CDH13: variants seen among roughly 807,000 people sequenced by gnomAD.
The protein encoded by CDH13 is cadherin-13.
CDH13 carries 24 observed loss-of-function variants against 63.8 expected under a neutral mutation model. The observed-to-expected ratio is 0.38, with a 90% CI of 0.27 to 0.53. The LOEUF (loss-of-function observed/expected upper bound fraction) is 0.53, where lower values mean the gene tolerates loss of function less well. Ranked by LOEUF, CDH13 falls within the 20% of genes least tolerant of loss-of-function variation. The pLI is 0.85. For missense variants in CDH13, 1,049 were observed against 903.1 expected, an observed-to-expected ratio of 1.16 and a Z score of -2.07; for synonymous variants, 503 against 355.3, an observed-to-expected ratio of 1.42 and a Z score of -4.67.
chr16:83,516,218 AT>A (rs2074696006), intron 7 of CDH13, among the ~76,000 whole-genome samples: 1 of 152,214 alleles, frequency 6.6e-6, no homozygotes, highest in Admixed American at 6.5e-5. Flanking sequence ...AGTTTTCTTT[AT>A]AGTGCCAAAG....
At chr16:83,136,473 G>A (rs542145129) in intron 4 of CDH13, among the ~76,000 whole-genome samples, 28 of 148,242 alleles carry the variant, frequency 1.9e-4, no homozygotes, top group Admixed American at 1.3e-3. Context: ...GCGACAGAGC[G>A]GGACTCTGTC....
chr16:83,055,714 T>C (rs1397163446), intron 3 of CDH13, among the ~76,000 whole-genome samples: 7 of 151,918 alleles, frequency 4.6e-5, no homozygotes, highest in African/African-American at 1.2e-4. Flanking sequence ...TTCTGTAAAA[T>C]AGAAAAAAAA....
At chr16:83,150,365 C>G (rs1395469651) in intron 4 of CDH13, among the ~76,000 whole-genome samples, 1 of 152,186 alleles carries the variant, frequency 6.6e-6, no homozygotes, top group Non-Finnish European at 1.5e-5. Context: ...CTCCCTATCC[C>G]TACCCACTTT....
intron 1 of CDH13, among the ~76,000 whole-genome samples, chr16:82,818,302 T>C (rs1429428849): frequency 6.6e-6 from 1 of 152,174 alleles, no homozygotes; most frequent in Non-Finnish European, 1.5e-5. Context: ...GCTAGTAAGT[T>C]GTGAAGCTGA....
At chr16:83,312,188 G>T (rs992795903) in intron 5 of CDH13, among the ~76,000 whole-genome samples, 2 of 151,398 alleles carry the variant, frequency 1.3e-5, no homozygotes, top group African/African-American at 2.4e-5. Flanking sequence ...TTCTCTCCCT[G>T]GTCTGCCCAG....
At chr16:83,511,107 C>T (rs1453713870) in intron 7 of CDH13, among the ~76,000 whole-genome samples, 3 of 106,408 alleles carry the variant, frequency 2.8e-5, no homozygotes, top group Admixed American at 1.8e-4. Flanking sequence ...CACACATGCA[C>T]GCATGCACAC....
intron 2 of CDH13, chr16:82,884,609 G>C (rs1004884787): frequency 1.9e-5 from 3 of 156,716 alleles, no homozygotes; most frequent in African/African-American, 7.2e-5. Context: ...TAGAACATTT[G>C]CTCAGAAATG....
intron 7 of CDH13, among the ~76,000 whole-genome samples, chr16:83,522,889 A>T (rs1005622229): frequency 6.6e-6 from 1 of 152,332 alleles, no homozygotes; most frequent in East Asian, 1.9e-4. Context: ...CTCACCACCT[A>T]GTGGCTCTTC....
chr16:82,866,634 G>A (rs192039154), intron 2 of CDH13, among the ~76,000 whole-genome samples: 1 of 152,060 alleles, frequency 6.6e-6, no homozygotes, highest in East Asian at 1.9e-4. Context: ...TCATACTGCT[G>A]TAAAGAACTG....
intron 5 of CDH13, among the ~76,000 whole-genome samples, chr16:83,234,459 C>T (rs553753731): frequency 4.6e-5 from 7 of 152,250 alleles, no homozygotes; most frequent in African/African-American, 1.4e-4. Flanking sequence ...TAATTGATAA[C>T]GCAGGGTCAG....
chr16:83,676,537 G>A (rs2093093556), intron 9 of CDH13, among the ~76,000 whole-genome samples: 1 of 152,204 alleles, frequency 6.6e-6, no homozygotes, highest in South Asian at 2.1e-4. Flanking sequence ...ACTTGGGATG[G>A]ACAGAGATCC....
At chr16:82,747,923 T>A (rs1450958959) in intron 1 of CDH13, among the ~76,000 whole-genome samples, 1 of 152,136 alleles carries the variant, frequency 6.6e-6, no homozygotes, top group Non-Finnish European at 1.5e-5. Context: ...GGCAACCTTC[T>A]TTTTTAAAAA....
intron 13 of CDH13, among the ~76,000 whole-genome samples, chr16:83,791,655 A>T (rs1275667120): frequency 6.6e-6 from 1 of 151,856 alleles, no homozygotes; most frequent in Non-Finnish European, 1.5e-5. Flanking sequence ...TACTAAAAAT[A>T]CAAAAATTAG....
At chr16:83,293,619 T>C (rs142806308) in intron 5 of CDH13, among the ~76,000 whole-genome samples, 163 of 152,296 alleles carry the variant, frequency 1.1e-3, no homozygotes, top group African/African-American at 3.7e-3. Context: ...ATAACAGATA[T>C]ATACATAAAC....
intron 2 of CDH13, among the ~76,000 whole-genome samples, chr16:82,961,259 C>G (rs948104255): frequency 1.3e-5 from 2 of 152,192 alleles, no homozygotes; most frequent in Non-Finnish European, 2.9e-5. Flanking sequence ...AGGCCTAAAA[C>G]CCCGGCCTTT....
At chr16:83,544,973 T>A (rs1438444079) in intron 7 of CDH13, among the ~76,000 whole-genome samples, 1 of 152,256 alleles carries the variant, frequency 6.6e-6, no homozygotes, top group African/African-American at 2.4e-5. Context: ...TATGTAATTC[T>A]CTTAGTTAAT....
At chr16:82,643,969 C>T (rs761790327) in intron 1 of CDH13, among the ~76,000 whole-genome samples, 16 of 151,936 alleles carry the variant, frequency 1.1e-4, no homozygotes, top group South Asian at 4.1e-4. Flanking sequence ...ATGCTGGTCT[C>T]GAACTCCTGG....
At chr16:83,634,117 C>CTTTG (rs1911031439) in intron 8 of CDH13, among the ~76,000 whole-genome samples, 1 of 77,010 alleles carries the variant, frequency 1.3e-5, no homozygotes, top group Non-Finnish European at 2.8e-5. Context: ...TGTGTGTTTT[C>CTTTG]TGTGTGTGTG....
At chr16:82,899,161 T>A (rs1185681960) in intron 2 of CDH13, among the ~76,000 whole-genome samples, 5 of 152,198 alleles carry the variant, frequency 3.3e-5, no homozygotes, top group Non-Finnish European at 7.3e-5. Context: ...GTCCACAGGG[T>A]CTCACATTAG....
Sources: allele counts gnomAD v4.1 joint callset (sites outside exome capture counted in the v4.1 genomes callset), GRCh38; gene constraint gnomAD v4.1.1; transcripts MANE v1.5; gene names NCBI Gene and HGNC (gene_info 2026-07-23, HGNC 2026-07-21).